Variants in RAB10 observed in about 807,000 individuals in gnomAD.
The protein encoded by RAB10 is ras-related protein Rab-10.
In RAB10, 5 loss-of-function variants were observed where a neutral mutation model predicts 25.7. The ratio of observed to expected loss-of-function variants is 0.19; its 90% CI spans 0.10 to 0.41. The LOEUF (loss-of-function observed/expected upper bound fraction) is 0.41, where lower values mean the gene tolerates loss of function less well. Among genes scored for constraint, RAB10 ranks in the 10% least tolerant of loss-of-function variants. The pLI, the probability that RAB10 is intolerant of heterozygous loss-of-function variation, is 1.00. For missense variants in RAB10, 103 were observed against 245.8 expected, an observed-to-expected ratio of 0.42 and a Z score of 3.89; for synonymous variants, 89 against 86.4, an observed-to-expected ratio of 1.03 and a Z score of -0.16.
chr2:26,065,873 T>C (rs1479140209), intron 1 of RAB10, among the ~76,000 whole-genome samples: 1 of 152,232 alleles, frequency 6.6e-6, no homozygotes, highest in African/African-American at 2.4e-5. Flanking sequence ...GAGTAATGTA[T>C]ACTCCATAAT....
intron 1 of RAB10, among the ~76,000 whole-genome samples, chr2:26,051,754 C>CA (rs952237769): frequency 1.8e-3 from 209 of 113,422 alleles, no homozygotes; most frequent in South Asian, 3.8e-3. Context: ...ACTCCGTCTC[C>CA]AAAAAAAAAA....
intron 3 of RAB10, among the ~76,000 whole-genome samples, chr2:26,111,854 A>G (rs1308369217): frequency 3.9e-5 from 6 of 152,086 alleles, no homozygotes; most frequent in Non-Finnish European, 8.8e-5. Context: ...TTCCTACAAA[A>G]TTGCCCTCAC....
chr2:26,085,174 G>T (rs944298369), intron 1 of RAB10, among the ~76,000 whole-genome samples: 2 of 152,072 alleles, frequency 1.3e-5, no homozygotes, highest in African/African-American at 4.8e-5. Context: ...ATGAACTCTT[G>T]TGCATCAAAG....
intron 1 of RAB10, among the ~76,000 whole-genome samples, chr2:26,043,311 G>T (rs938589942): frequency 3.9e-5 from 6 of 152,078 alleles, no homozygotes; most frequent in African/African-American, 1.4e-4. Flanking sequence ...AGTACCAGCT[G>T]CTTGGGAGGC....
intron 1 of RAB10, among the ~76,000 whole-genome samples, chr2:26,083,047 C>T (rs907577971): frequency 4.9e-4 from 74 of 152,206 alleles, no homozygotes; most frequent in African/African-American, 1.7e-3. Flanking sequence ...CATGATAACT[C>T]AGGAATCTAG....
At chr2:26,096,569 A>T (rs1485698862) in intron 1 of RAB10, among the ~76,000 whole-genome samples, 1 of 152,180 alleles carries the variant, frequency 6.6e-6, no homozygotes, top group Non-Finnish European at 1.5e-5. Context: ...CTGTCAAGTT[A>T]AGCCCTATAG....
chr2:26,047,217 T>C (rs911371516), intron 1 of RAB10, among the ~76,000 whole-genome samples: 4 of 152,006 alleles, frequency 2.6e-5, no homozygotes, highest in African/African-American at 9.7e-5. Flanking sequence ...AATTATAGCC[T>C]CCCGATATTT....
At chr2:26,033,495 G>A (rs1665676796), upstream of RAB10, among the ~76,000 whole-genome samples, 2 of 152,364 alleles carry the variant, frequency 1.3e-5, no homozygotes, top group South Asian at 4.1e-4. Flanking sequence ...CGGATGGAGC[G>A]CTCATGTTTC....
At chr2:26,098,845 G>A (rs975591297) in intron 2 of RAB10, 123 bp downstream of exon 2, 1 of 771,400 alleles carries the variant, frequency 1.3e-6, no homozygotes, top group African/African-American at 1.8e-5. Flanking sequence ...AGGCAGTCAG[G>A]TGACCTTTTT....
At chr2:26,102,746 A>C (rs902567686) in intron 2 of RAB10, among the ~76,000 whole-genome samples, 1 of 152,136 alleles carries the variant, frequency 6.6e-6, no homozygotes, top group Admixed American at 6.5e-5. Context: ...CCAGGCTGTG[A>C]TTTTCTTAAG....
chr2:26,092,211 G>C (rs934207134), intron 1 of RAB10, among the ~76,000 whole-genome samples: 1 of 150,250 alleles, frequency 6.7e-6, no homozygotes, highest in African/African-American at 2.4e-5. Context: ...TGAGGACTTA[G>C]GAATGATCAT....
intron 2 of RAB10, among the ~76,000 whole-genome samples, chr2:26,099,750 G>GC (rs1263609991): frequency 1.3e-5 from 2 of 151,854 alleles, no homozygotes; most frequent in African/African-American, 4.8e-5. Context: ...CACTGTATTA[G>GC]CCAGGATGGT....
chr2:26,068,307 G>A (rs1275684277), intron 1 of RAB10, among the ~76,000 whole-genome samples: 1 of 152,164 alleles, frequency 6.6e-6, no homozygotes, highest in African/African-American at 2.4e-5. Flanking sequence ...TGCAGAGCCT[G>A]GTAGTCCATG....
chr2:26,045,160 G>A (rs1042121203), intron 1 of RAB10, among the ~76,000 whole-genome samples: 1 of 152,064 alleles, frequency 6.6e-6, no homozygotes, highest in Non-Finnish European at 1.5e-5. Flanking sequence ...CACAAGCATG[G>A]CAAAGGAAAT....
At chr2:26,089,874 T>C (rs1667066998) in intron 1 of RAB10, among the ~76,000 whole-genome samples, 1 of 152,132 alleles carries the variant, frequency 6.6e-6, no homozygotes, top group Admixed American at 6.5e-5. Flanking sequence ...CATTTTCTTT[T>C]TCGGACAACT....
chr2:26,111,380 G>A (rs1448940682), intron 3 of RAB10, among the ~76,000 whole-genome samples: 4 of 152,214 alleles, frequency 2.6e-5, no homozygotes, highest in South Asian at 4.1e-4. Flanking sequence ...CGAGGTGGGC[G>A]GATCACCTGA....
At chr2:26,071,540 T>G (rs1666626444) in intron 1 of RAB10, among the ~76,000 whole-genome samples, 2 of 152,070 alleles carry the variant, frequency 1.3e-5, no homozygotes, top group Non-Finnish European at 2.9e-5. Flanking sequence ...ATACAAAAAT[T>G]AGCCAGACAT....
chr2:26,114,514 G>A (rs1667642288), intron 3 of RAB10, among the ~76,000 whole-genome samples: 1 of 152,048 alleles, frequency 6.6e-6, no homozygotes, highest in South Asian at 2.1e-4. Flanking sequence ...TCCAACAAAT[G>A]GTGCTGGGAA....
chr2:26,059,735 C>A (rs565663353), intron 1 of RAB10, among the ~76,000 whole-genome samples: 3 of 152,184 alleles, frequency 2.0e-5, no homozygotes, highest in Admixed American at 6.5e-5. Context: ...AACTGTCCAT[C>A]GGTGGTTATC....
Sources: allele counts gnomAD v4.1 joint callset (sites outside exome capture counted in the v4.1 genomes callset), GRCh38; gene constraint gnomAD v4.1.1; transcripts MANE v1.5; gene names NCBI Gene and HGNC (gene_info 2026-07-23, HGNC 2026-07-21).